EDIL3: variants seen among roughly 807,000 people sequenced by gnomAD.
EDIL3 encodes EGF-like repeat and discoidin I-like domain-containing protein 3.
In EDIL3, 37 loss-of-function variants were observed where a neutral mutation model predicts 67.4. The observed-to-expected ratio is 0.55, with a 90% confidence interval of 0.42 to 0.72. EDIL3 has a LOEUF of 0.72. EDIL3 is among the 30% of genes least tolerant of loss of function. The pLI, the probability that EDIL3 is intolerant of heterozygous loss-of-function variation, is 0.00. For synonymous variants in EDIL3, 195 were observed against 196.3 expected (o/e 0.99, Z 0.05); for missense variants, 527 against 586.3 (o/e 0.90, Z 1.04).
intron 4 of EDIL3, among the ~76,000 whole-genome samples, chr5:84,153,224 T>C (rs941202033): frequency 6.6e-6 from 1 of 152,216 alleles, no homozygotes; most frequent in Non-Finnish European, 1.5e-5. Context: ...TTCATCAGTT[T>C]TAGCCATTAA....
At chr5:84,102,765 T>C (rs182933616) in intron 6 of EDIL3, among the ~76,000 whole-genome samples, 24 of 152,082 alleles carry the variant, frequency 1.6e-4, no homozygotes, top group Non-Finnish European at 3.2e-4. Flanking sequence ...TGCTTGTGGA[T>C]ACGAAGAATC....
chr5:84,340,556 ATATATATATATATATG>A (rs1250923424), intron 1 of EDIL3, among the ~76,000 whole-genome samples: 44 of 136,858 alleles, frequency 3.2e-4, no homozygotes, highest in African/African-American at 8.6e-4. Flanking sequence ...ATATATATAT[ATATATATATATATATG>A]TTAGTCTACA....
chr5:84,207,846 G>A (rs1052825086), intron 3 of EDIL3, among the ~76,000 whole-genome samples: 48 of 151,694 alleles, frequency 3.2e-4, no homozygotes, highest in Admixed American at 2.5e-3. Context: ...CTAGCCATAT[G>A]TAGAAAGCTG....
chr5:83,952,649 T>C (rs1057024798), intron 10 of EDIL3, among the ~76,000 whole-genome samples: 34 of 151,916 alleles, frequency 2.2e-4, no homozygotes, highest in Non-Finnish European at 4.4e-4. Flanking sequence ...AACTTGCCTC[T>C]CTATTGAAGC....
At chr5:84,356,010 A>T (rs61401774) in intron 1 of EDIL3, among the ~76,000 whole-genome samples, 18,277 of 152,166 alleles carry the variant, frequency 0.12, 1,123 homozygotes, top group South Asian at 0.22. Context: ...CTCTATTTTA[A>T]AAAACCTTCC....
intron 6 of EDIL3, among the ~76,000 whole-genome samples, chr5:84,097,749 A>C (rs1011739774): frequency 3.3e-5 from 5 of 152,080 alleles, no homozygotes; most frequent in Non-Finnish European, 7.4e-5. Context: ...ACATATATAT[A>C]AATAAAAATC....
intron 9 of EDIL3, among the ~76,000 whole-genome samples, chr5:83,980,365 G>T (rs1415198721): frequency 1.3e-5 from 2 of 151,740 alleles, no homozygotes; most frequent in East Asian, 1.9e-4. Flanking sequence ...TTAAATAAAA[G>T]GTATCTGGAT....
chr5:84,379,638 G>A (rs1489639189), intron 1 of EDIL3, among the ~76,000 whole-genome samples: 1 of 152,024 alleles, frequency 6.6e-6, no homozygotes, highest in African/African-American at 2.4e-5. Context: ...ATAGCTCTCT[G>A]TGTTTTTCCT....
At chr5:83,987,147 C>A (rs1053919264) in intron 9 of EDIL3, among the ~76,000 whole-genome samples, 1 of 152,134 alleles carries the variant, frequency 6.6e-6, no homozygotes, top group Non-Finnish European at 1.5e-5. Flanking sequence ...CCCAGGCCTT[C>A]CCTCTAGCAC....
At chr5:84,185,489 A>C (rs1316852137) in intron 3 of EDIL3, among the ~76,000 whole-genome samples, 1 of 152,152 alleles carries the variant, frequency 6.6e-6, no homozygotes, top group Non-Finnish European at 1.5e-5. Context: ...CTAGACCATA[A>C]ATTCTGTGTG....
At chr5:84,019,834 A>T (rs1449857226) in intron 9 of EDIL3, among the ~76,000 whole-genome samples, 1 of 151,998 alleles carries the variant, frequency 6.6e-6, no homozygotes, top group Non-Finnish European at 1.5e-5. Context: ...GTTCTAGCTG[A>T]ATCTTTGGTT....
chr5:84,083,859 T>A (rs1356237867), intron 6 of EDIL3, among the ~76,000 whole-genome samples: 1 of 152,242 alleles, frequency 6.6e-6, no homozygotes, highest in African/African-American at 2.4e-5. Context: ...TTTTGACTTT[T>A]TAAAATTAAC....
At chr5:84,199,365 C>G (rs1032490015) in intron 3 of EDIL3, among the ~76,000 whole-genome samples, 1 of 151,988 alleles carries the variant, frequency 6.6e-6, no homozygotes, top group African/African-American at 2.4e-5. Context: ...CAACTGACCT[C>G]AAAACATGAT....
At position 84,124,898 on chromosome 5, in the gene EDIL3, A is replaced by G. The variant is rs532572984; in HGVS notation, c.469+12343T>C. On this transcript the variant is annotated intron_variant, in intron 5 of 10. Transcript: ENST00000296591. ...AAGAACAGTTGAATAATACTAAATG[A>G]ATTGTTTTCCTTCTCAGGTACACTT... 2.0e-5 allele frequency among the ~76,000 whole-genome samples: 3 copies of G among 152,072 alleles called. No individual in the cohort carries two copies. In the East Asian group the frequency reaches 5.8e-4, roughly 29 times the overall value.
intron 5 of EDIL3, among the ~76,000 whole-genome samples, chr5:84,123,022 C>T (rs143359484): frequency 6.6e-6 from 1 of 152,056 alleles, no homozygotes; most frequent in East Asian, 1.9e-4. Context: ...ACCTCAAGAA[C>T]TTCTACAGCC....
At chr5:84,207,397 G>T (rs191504360) in intron 3 of EDIL3, among the ~76,000 whole-genome samples, 1 of 152,054 alleles carries the variant, frequency 6.6e-6, no homozygotes, top group Non-Finnish European at 1.5e-5. Context: ...AAATAAAAGA[G>T]GATACAAACA....
chr5:84,024,852 A>G (rs985473735), intron 9 of EDIL3, among the ~76,000 whole-genome samples: 1 of 151,808 alleles, frequency 6.6e-6, no homozygotes, highest in Non-Finnish European at 1.5e-5. Context: ...TATCTCTCTA[A>G]GTAGCTTCCT....
intron 2 of EDIL3, among the ~76,000 whole-genome samples, chr5:84,248,477 C>T (rs2112068915): frequency 6.6e-6 from 1 of 152,254 alleles, no homozygotes; most frequent in African/African-American, 2.4e-5. Context: ...TTTCTAATTC[C>T]TCTATTCTTT....
At chr5:84,002,993 G>A (rs754328868) in intron 9 of EDIL3, among the ~76,000 whole-genome samples, 1 of 152,174 alleles carries the variant, frequency 6.6e-6, no homozygotes, top group Non-Finnish European at 1.5e-5. Context: ...TCTCTCTGGG[G>A]TGGAGTTCCT....
Sources: allele counts gnomAD v4.1 joint callset (sites outside exome capture counted in the v4.1 genomes callset), GRCh38; gene constraint gnomAD v4.1.1; transcripts MANE v1.5; gene names NCBI Gene and HGNC (gene_info 2026-07-23, HGNC 2026-07-21).